Variants in CNTN4 observed in about 807,000 individuals in gnomAD.
CNTN4 encodes the protein contactin 4, also known as contactin-4.
Under a neutral mutation model 122.5 loss-of-function variants are expected in CNTN4, and 77 were observed. The ratio of observed to expected loss-of-function variants is 0.63; its 90% CI spans 0.52 to 0.76. The LOEUF is 0.76. Among genes scored for constraint, CNTN4 ranks in the 30% least tolerant of loss-of-function variants. The pLI is 0.00. For missense variants in CNTN4, 1,256 were observed against 1,259.1 expected, an observed-to-expected ratio of 1.00 and a Z score of 0.04; for synonymous variants, 512 against 447.0, an observed-to-expected ratio of 1.15 and a Z score of -1.83.
intron 3 of CNTN4, among the ~76,000 whole-genome samples, chr3:2,561,212 T>C (rs2078938343): frequency 6.6e-6 from 1 of 152,206 alleles, no homozygotes; most frequent in Non-Finnish European, 1.5e-5. Flanking sequence ...AAATGCCTGT[T>C]GCTGTCTGTA....
chr3:2,794,756 G>A (rs2092117861), intron 6 of CNTN4, among the ~76,000 whole-genome samples: 1 of 152,220 alleles, frequency 6.6e-6, no homozygotes, highest in Admixed American at 6.5e-5. Flanking sequence ...ATTTCTTACA[G>A]TTATGGAGCC....
intron 2 of CNTN4, among the ~76,000 whole-genome samples, chr3:2,289,660 C>G (rs2042062319): frequency 1.3e-5 from 2 of 152,038 alleles, no homozygotes; most frequent in South Asian, 2.1e-4. Flanking sequence ...GGGCAGCTAC[C>G]TTTCAACCTT....
At chr3:2,515,198 G>T (rs2077005764) in intron 3 of CNTN4, among the ~76,000 whole-genome samples, 1 of 152,154 alleles carries the variant, frequency 6.6e-6, no homozygotes, top group South Asian at 2.1e-4. Flanking sequence ...AGGCATGTAT[G>T]TGCAGCAGGG....
At chr3:2,443,242 TG>T (rs2048503404) in intron 3 of CNTN4, among the ~76,000 whole-genome samples, 1 of 152,160 alleles carries the variant, frequency 6.6e-6, no homozygotes, top group Non-Finnish European at 1.5e-5. Flanking sequence ...AAGTTTTCTT[TG>T]ACAAACCTGT....
intron 4 of CNTN4, among the ~76,000 whole-genome samples, chr3:2,608,126 A>G (rs905902706): frequency 2.0e-5 from 3 of 152,182 alleles, no homozygotes; most frequent in African/African-American, 7.2e-5. Flanking sequence ...AATGTAGTGA[A>G]ATTTGAGGCA....
At chr3:2,564,187 C>T (rs1022307963) in intron 3 of CNTN4, among the ~76,000 whole-genome samples, 3 of 152,046 alleles carry the variant, frequency 2.0e-5, no homozygotes, top group Admixed American at 1.3e-4. Context: ...CAGTTTGTTG[C>T]CCCTGGACAA....
chr3:2,227,338 T>C (rs1248968177), intron 2 of CNTN4, among the ~76,000 whole-genome samples: 2 of 152,192 alleles, frequency 1.3e-5, no homozygotes, highest in Non-Finnish European at 2.9e-5. Flanking sequence ...TTTAATTTGA[T>C]GCCAAGAGAG....
At chr3:2,522,552 T>C (rs1254271233) in intron 3 of CNTN4, among the ~76,000 whole-genome samples, 1 of 152,170 alleles carries the variant, frequency 6.6e-6, no homozygotes, top group Non-Finnish European at 1.5e-5. Flanking sequence ...TTTGACTTAC[T>C]GGCTATTAAT....
intron 2 of CNTN4, among the ~76,000 whole-genome samples, chr3:2,102,921 CT>C (rs200757537): frequency 0.027 from 3,885 of 143,020 alleles, 102 homozygotes; most frequent in African/African-American, 0.078. Context: ...CTAACCCTTG[CT>C]TTTTTTTTTT....
At chr3:2,753,457 C>T (rs2090191233) in intron 6 of CNTN4, among the ~76,000 whole-genome samples, 1 of 152,200 alleles carries the variant, frequency 6.6e-6, no homozygotes, top group Middle Eastern at 3.4e-3. Flanking sequence ...TCAACACAAC[C>T]CAATGAAGCA....
chr3:2,914,865 A>G (rs550440859), intron 12 of CNTN4, among the ~76,000 whole-genome samples: 27 of 152,334 alleles, frequency 1.8e-4, no homozygotes, highest in African/African-American at 5.8e-4. Context: ...ACATTGATCT[A>G]GAAATTGTCA....
At chr3:2,412,060 G>T (rs1179608330) in intron 3 of CNTN4, among the ~76,000 whole-genome samples, 1 of 152,054 alleles carries the variant, frequency 6.6e-6, no homozygotes, top group Non-Finnish European at 1.5e-5. Context: ...CTTCATATAG[G>T]TGGAATCCAA....
At chr3:3,047,218 C>T (rs368210156) in intron 23 of CNTN4, among the ~76,000 whole-genome samples, 18 of 152,094 alleles carry the variant, frequency 1.2e-4, no homozygotes, top group African/African-American at 1.9e-4. Context: ...GACAGATCAA[C>T]GAGACAGAAA....
intron 4 of CNTN4, among the ~76,000 whole-genome samples, chr3:2,665,920 C>T (rs2084132678): frequency 6.6e-6 from 1 of 152,192 alleles, no homozygotes; most frequent in African/African-American, 2.4e-5. Flanking sequence ...TTAGTTGTGG[C>T]ATTGCCTTGA....
chr3:2,868,425 T>C (rs1244789426), intron 8 of CNTN4, among the ~76,000 whole-genome samples: 1 of 152,166 alleles, frequency 6.6e-6, no homozygotes, highest in African/African-American at 2.4e-5. Context: ...AAGAAAAACT[T>C]GACAAATGCA....
chr3:2,817,677 C>T (rs545473035), intron 6 of CNTN4, among the ~76,000 whole-genome samples: 12 of 152,260 alleles, frequency 7.9e-5, no homozygotes, highest in Admixed American at 1.3e-4. Flanking sequence ...CTAGATGATA[C>T]GTGATCTCTA....
At chr3:2,952,755 A>G (rs773800656) in intron 13 of CNTN4, among the ~76,000 whole-genome samples, 14 of 152,160 alleles carry the variant, frequency 9.2e-5, no homozygotes, top group Non-Finnish European at 1.5e-4. Flanking sequence ...CTGCTGTTTA[A>G]TCTACTACAG....
chr3:2,989,729 A>C (rs147904050), intron 14 of CNTN4, among the ~76,000 whole-genome samples: 236 of 152,192 alleles, frequency 1.6e-3, no homozygotes, highest in African/African-American at 5.5e-3. Context: ...CTGCTTGTTC[A>C]CTCTGTTTCA....
intron 4 of CNTN4, among the ~76,000 whole-genome samples, chr3:2,598,063 C>T (rs946168353): frequency 2.0e-5 from 3 of 152,130 alleles, no homozygotes; most frequent in Admixed American, 6.6e-5. Flanking sequence ...GCAGCCTTCC[C>T]TTACCGGGCT....
Sources: gnomAD v4.1 joint callset for allele counts (sites outside exome capture counted in the v4.1 genomes callset) on GRCh38, gnomAD v4.1.1 for gene constraint, MANE v1.5 for transcripts, NCBI Gene and HGNC (gene_info 2026-07-23, HGNC 2026-07-21) for gene names.